KCND2: variants seen among roughly 807,000 people sequenced by gnomAD.
KCND2 encodes the protein A-type voltage-gated potassium channel KCND2.
Under a neutral mutation model 54.4 loss-of-function variants are expected in KCND2, and 16 were observed. The ratio of observed to expected loss-of-function variants is 0.29; its 90% confidence interval spans 0.20 to 0.45. KCND2 has a LOEUF of 0.45. KCND2 is among the 20% of genes least tolerant of loss of function. The pLI is 1.00. For synonymous variants in KCND2, 317 were observed against 310.7 expected (o/e 1.02, Z -0.21); for missense variants, 486 against 824.2 (o/e 0.59, Z 5.02).
At chr7:120,450,296 G>C (rs566921863) in intron 1 of KCND2, among the ~76,000 whole-genome samples, 3 of 152,244 alleles carry the variant, frequency 2.0e-5, no homozygotes, top group Admixed American at 2.0e-4. Context: ...TATAGTCCCA[G>C]CTACTCGGGA....
intron 1 of KCND2, among the ~76,000 whole-genome samples, chr7:120,312,892 T>A (rs944422598): frequency 2.0e-5 from 3 of 152,074 alleles, no homozygotes; most frequent in Non-Finnish European, 4.4e-5. Flanking sequence ...AACTTGTGAC[T>A]TTTTTTAAAA....
intron 1 of KCND2, among the ~76,000 whole-genome samples, chr7:120,344,561 G>T (rs1381719297): frequency 6.6e-6 from 1 of 152,160 alleles, no homozygotes; most frequent in Non-Finnish European, 1.5e-5. Flanking sequence ...ATAGGATGGG[G>T]TAATGGTGCA....
At chr7:120,586,799 T>G (rs1792606187) in intron 1 of KCND2, among the ~76,000 whole-genome samples, 1 of 152,166 alleles carries the variant, frequency 6.6e-6, no homozygotes, top group South Asian at 2.1e-4. Flanking sequence ...TAGCCCTGCT[T>G]GAATAGTTTC....
At chr7:120,577,324 A>G (rs1002539188) in intron 1 of KCND2, among the ~76,000 whole-genome samples, 47 of 152,214 alleles carry the variant, frequency 3.1e-4, no homozygotes, top group African/African-American at 1.1e-3. Context: ...TAATTATTGC[A>G]GAAAATTATT....
At chr7:120,458,641 C>T (rs1042720917) in intron 1 of KCND2, among the ~76,000 whole-genome samples, 2 of 152,058 alleles carry the variant, frequency 1.3e-5, no homozygotes, top group African/African-American at 4.8e-5. Context: ...GAATCCAAGG[C>T]TGAGAGGATG....
At chr7:120,672,925 C>G (rs1345161361) in intron 1 of KCND2, 1 of 152,172 alleles carries the variant, frequency 6.6e-6, no homozygotes, top group East Asian at 1.9e-4. Context: ...AAGATTAGCA[C>G]AGCCCTTGTG....
At chr7:120,355,590 A>G (rs912615124) in intron 1 of KCND2, among the ~76,000 whole-genome samples, 2 of 152,192 alleles carry the variant, frequency 1.3e-5, no homozygotes, top group Admixed American at 1.3e-4. Context: ...ACTTTATTAT[A>G]AGACAGGCTT....
At chr7:120,315,732 A>G (rs574903852) in intron 1 of KCND2, among the ~76,000 whole-genome samples, 1 of 151,318 alleles carries the variant, frequency 6.6e-6, no homozygotes, top group Admixed American at 6.6e-5. Flanking sequence ...TCAAGCAGTG[A>G]GACACGAAAT....
intron 1 of KCND2, among the ~76,000 whole-genome samples, chr7:120,577,723 C>T (rs56306257): frequency 1.3e-5 from 2 of 152,108 alleles, no homozygotes; most frequent in Non-Finnish European, 2.9e-5. Context: ...GTAACTGGGA[C>T]TATAGGTCCC....
intron 1 of KCND2, among the ~76,000 whole-genome samples, chr7:120,459,841 ACT>A (rs1287213081): frequency 6.6e-6 from 1 of 152,098 alleles, no homozygotes; most frequent in African/African-American, 2.4e-5. Context: ...ATCCCTGTGA[ACT>A]CACAGTCCAG....
At chr7:120,609,631 T>A (rs1792926456) in intron 1 of KCND2, among the ~76,000 whole-genome samples, 1 of 152,170 alleles carries the variant, frequency 6.6e-6, no homozygotes, top group African/African-American at 2.4e-5. Context: ...AATGCTCCCA[T>A]CTATAGTGTT....
chr7:120,453,610 G>T (rs2116222980), intron 1 of KCND2, among the ~76,000 whole-genome samples: 1 of 152,216 alleles, frequency 6.6e-6, no homozygotes, highest in South Asian at 2.1e-4. Flanking sequence ...TCAATACTAA[G>T]AAAATCACTC....
intron 1 of KCND2, among the ~76,000 whole-genome samples, chr7:120,675,827 A>G (rs1406337179): frequency 1.3e-5 from 2 of 150,276 alleles, no homozygotes; most frequent in South Asian, 2.1e-4. Context: ...ATAAGTGAGC[A>G]TAGTGTCTTC....
intron 1 of KCND2, among the ~76,000 whole-genome samples, chr7:120,667,491 T>C (rs778773927): frequency 9.2e-5 from 14 of 151,974 alleles, no homozygotes; most frequent in Non-Finnish European, 1.9e-4. Context: ...ACTGTGTGTA[T>C]ATAAAAATCT....
At position 120,544,925 on chromosome 7, in the gene KCND2, T is replaced by C. The variant is rs148859330; in HGVS notation, c.1116-187978T>C. Among the ~76,000 whole-genome samples the C allele has an allele frequency of 2.9e-4, 44 of 151,934 alleles. 1 individual carries two copies. In the East Asian group the frequency reaches 8.3e-3, roughly 29 times the overall value. On this transcript the variant is annotated intron_variant, in intron 1 of 5. Transcript: ENST00000331113. ...TCCCTTATTTTACCTTGGAAATAAG[T>C]GCAAGTCTGATTATTAAAAAATGAA...
chr7:120,342,194 T>C lies in KCND2; in HGVS notation c.1115+66447T>C, dbSNP rs576359784. Among the ~76,000 whole-genome samples the C allele has an allele frequency of 6.6e-5, 10 of 152,270 alleles. No individual in the cohort carries two copies. The South Asian group carries it at 2.1e-3, about 32-fold the overall frequency. ...ATGAAAGAGTAAGTTAGATGTGGGCTCCAATCATGGCTCTGCCATTTATGA... is the reference window on the plus strand; with the variant it reads ...ATGAAAGAGTAAGTTAGATGTGGGCCCCAATCATGGCTCTGCCATTTATGA... On this transcript the variant is annotated intron_variant, in intron 1 of 5. Transcript: ENST00000331113.
chr7:120,560,745 C>T (rs961975211), intron 1 of KCND2, among the ~76,000 whole-genome samples: 1 of 152,196 alleles, frequency 6.6e-6, no homozygotes, highest in African/African-American at 2.4e-5. Flanking sequence ...TTGAAATTTT[C>T]TACACCATGT....
chr7:120,515,766 T>C (rs547811653), intron 1 of KCND2, among the ~76,000 whole-genome samples: 45 of 152,246 alleles, frequency 3.0e-4, no homozygotes, highest in African/African-American at 9.9e-4. Flanking sequence ...CATGTGGTGA[T>C]GCCGAGGTGA....
chr7:120,614,467 C>T (rs897118850), intron 1 of KCND2, among the ~76,000 whole-genome samples: 2 of 152,208 alleles, frequency 1.3e-5, no homozygotes, highest in African/African-American at 4.8e-5. Flanking sequence ...AAATCCACCT[C>T]ATCTAGTTTT....
Sources: gnomAD v4.1 joint callset for allele counts (sites outside exome capture counted in the v4.1 genomes callset) on GRCh38, gnomAD v4.1.1 for gene constraint, MANE v1.5 for transcripts, NCBI Gene and HGNC (gene_info 2026-07-23, HGNC 2026-07-21) for gene names.